The following NUP88 variants were observed in gnomAD, a reference collection of about 807,000 sequenced individuals.
NUP88 encodes the protein nucleoporin 88, also known as nuclear pore complex protein Nup88.
In NUP88, 57 loss-of-function variants were observed where a neutral mutation model predicts 93.9. That is an observed-to-expected ratio of 0.61 (90% CI 0.49 to 0.76). The LOEUF (loss-of-function observed/expected upper bound fraction) is 0.76. Ranked by LOEUF, NUP88 falls within the 30% of genes least tolerant of loss-of-function variation. The probability of loss-of-function intolerance (pLI) is 0.00; values close to 1 mark genes in which losing one functional copy is unlikely to be tolerated. For missense variants in NUP88, 911 were observed against 901.0 expected (o/e 1.01, Z -0.14); for synonymous variants, 346 against 336.8 (o/e 1.03, Z -0.30).
In NUP88 at chr17:5,386,988, T is replaced by C. The variant is rs1233625144; in HGVS notation, c.2039A>G (p.Lys680Arg). 6.2e-7 allele frequency: 1 copy of C among 1,614,034 alleles called. No individual in the cohort carries two copies. The highest frequency in any genetic ancestry group is 2.2e-5 in the East Asian group (1 of 44,880). ...CTAGTTTGGATCTATTCCTACCTGT[T>C]TGATGGCATTGCCCAAATGTCGAAG... ...DQLRHLGNAI[K>R]QVTMKKDYQQ... Residue 680 changes from lysine (K) to arginine (R), a missense_variant, in exon 15 of 17, where the codon AAA becomes AGA. Transcript: ENST00000573584.
chr17:5,400,757 C>T (rs1597323137), intron 7 of NUP88, among the ~76,000 whole-genome samples: 1 of 152,172 alleles, frequency 6.6e-6, no homozygotes, highest in East Asian at 1.9e-4. Context: ...AAGACTTTAA[C>T]ACAACGGCTC....
At chr17:5,398,890 C>CT (rs751156685) in intron 8 of NUP88, among the ~76,000 whole-genome samples, 37,745 of 131,668 alleles carry the variant, frequency 0.29, 6,149 homozygotes, top group East Asian at 0.59. Flanking sequence ...TGCACCCAGC[C>CT]TTTTTTTTTT....
intron 8 of NUP88, among the ~76,000 whole-genome samples, chr17:5,397,713 G>A (rs547049349): frequency 2.6e-5 from 4 of 150,968 alleles, no homozygotes; most frequent in South Asian, 2.2e-4. Context: ...AGCCAATAAC[G>A]GATTCAGTCT....
At chr17:5,396,573 T>C (rs911669904) in intron 8 of NUP88, among the ~76,000 whole-genome samples, 6 of 152,214 alleles carry the variant, frequency 3.9e-5, no homozygotes, top group African/African-American at 1.4e-4. Flanking sequence ...TGGGCTATGA[T>C]GAATAATGCT....
rs769817843 is a variant in NUP88, at chr17:5,385,492, A to G, written c.*714T>C. The stretch of plus-strand genomic sequence containing the variant: ...TATAGTAGTACCTTTCAGAACTCAC[A>G]TTGGCAAGTGTAAAAAGATGACTTA... On this transcript the variant is annotated 3_prime_UTR_variant, in exon 17 of 17. Coordinates refer to ENST00000573584, the MANE Select transcript of NUP88 (RefSeq NM_002532.6). 2 of 230,602 alleles carry G rather than the reference A, an allele frequency of 8.7e-6. No homozygotes were observed. The highest frequency in any genetic ancestry group is 1.7e-5 in the Non-Finnish European group (2 of 116,506). 14.3% of individuals were successfully genotyped at this position (230,602 alleles called of 1,614,324 possible).
intron 7 of NUP88, among the ~76,000 whole-genome samples, chr17:5,402,222 G>A (rs764372239): frequency 1.3e-5 from 2 of 151,968 alleles, no homozygotes; most frequent in Admixed American, 6.6e-5. Context: ...CAGGAGAATC[G>A]CTTGAACCCA....
intron 2 of NUP88, among the ~76,000 whole-genome samples, chr17:5,416,137 T>G (rs1914118998): frequency 1.2e-5 from 1 of 80,986 alleles, no homozygotes; most frequent in Non-Finnish European, 2.3e-5. Flanking sequence ...AGAGCAAGAC[T>G]CCATCTCAAA....
rs1244988041 is a variant in NUP88 at position 5,410,561 on chromosome 17, G to A, written c.680+142C>T. On this transcript the variant is annotated intron_variant, in intron 4 of 16. Coordinates refer to ENST00000573584, the MANE Select transcript of NUP88 (RefSeq NM_002532.6). The stretch of plus-strand genomic sequence containing the variant: ...AGCCTGGCCAACACGACGAATCCCT[G>A]TTCTACTAAAAATACACTTACTTCT... The A allele has an allele frequency of 1.6e-5, 10 of 612,994 alleles. No homozygotes were observed. The African/African-American group carries it at 1.9e-4, about 11-fold the overall frequency. 38.0% of individuals were successfully genotyped at this position (612,994 alleles called of 1,614,324 possible). A position where few individuals can be genotyped will look rare whatever the true frequency, so the allele number is the denominator to read the frequency against.
At chr17:5,404,989 C>A in intron 6 of NUP88, 68 bp downstream of exon 6, 1 of 1,274,296 alleles carries the variant, frequency 7.8e-7, no homozygotes, top group Non-Finnish European at 1.1e-6. Context: ...ATATATTAAG[C>A]ATTCATATTG....
At chr17:5,414,710 G>A (rs1232335408) in intron 2 of NUP88, among the ~76,000 whole-genome samples, 1 of 152,118 alleles carries the variant, frequency 6.6e-6, no homozygotes, top group Non-Finnish European at 1.5e-5. Flanking sequence ...CCTGAGGTCA[G>A]GAGTTTGAGA....
chr17:5,413,935 T>C (rs185382948), intron 3 of NUP88, 74 bp downstream of exon 3: 13 of 1,513,860 alleles, frequency 8.6e-6, no homozygotes, highest in South Asian at 3.4e-5. Flanking sequence ...TCGTTCTATG[T>C]TGAGCTGTTA....
intron 7 of NUP88, among the ~76,000 whole-genome samples, chr17:5,402,116 G>C (rs1185460865): frequency 6.6e-6 from 1 of 152,140 alleles, no homozygotes; most frequent in Non-Finnish European, 1.5e-5. Flanking sequence ...AGACCAGCCT[G>C]ACCAACATGG....
chr17:5,416,188 T>TACACACACATACACAC (rs1914138861), intron 2 of NUP88, among the ~76,000 whole-genome samples: 8 of 126,204 alleles, frequency 6.3e-5, no homozygotes, highest in African/African-American at 2.1e-4. Context: ...TATACACACA[T>TACACACACATACACAC]ACACACACAC....
At chr17:5,416,144 CAAAAAAAAA>C (rs1206275413) in intron 2 of NUP88, among the ~76,000 whole-genome samples, 44 of 72,602 alleles carry the variant, frequency 6.1e-4, no homozygotes, top group South Asian at 8.8e-4. Flanking sequence ...GACTCCATCT[CAAAAAAAAA>C]AAAAAAAAAA....
rs1911952019 is a variant in NUP88 at position 5,386,199 on chromosome 17, G to A, written c.*7C>T. On this transcript the variant is annotated 3_prime_UTR_variant, in exon 17 of 17. Transcript: ENST00000573584. ...TCAGTTCAGGTGTGAGTCAGCTCCT[G>A]GTGGTGTCAGAAGTTTACATGATTG... The A allele has an allele frequency of 6.2e-7, 1 of 1,610,278 alleles. No individual in the cohort carries two copies. The highest frequency in any genetic ancestry group is 8.5e-7 in the Non-Finnish European group (1 of 1,177,302).
Position 5,387,783 on chromosome 17 carries a change from G to A in NUP88, c.1765C>T (p.Arg589Trp), listed in dbSNP as rs1466227224. 5 of 1,612,172 alleles carry A rather than the reference G, an allele frequency of 3.1e-6. No individual in the cohort carries two copies. Among genetic ancestry groups the A allele is most frequent in the African/African-American group, 2.7e-5 (2 of 74,798 alleles). ...TGTGAACACAGGACATCATACCTCC[G>A]CTGAATCTCCTCCTTTGCCAAGTCC... ...KQDLAKEEIQ[R>W]RVKLLCDQKK... The change falls in exon 12 of 17, where the codon CGG becomes TGG. Residue 589 changes from arginine (R) to tryptophan (W), a missense_variant. Physicochemically the swap from Arg to Trp is moderately radical, Grantham distance 101 (BLOSUM62 -3). Transcript: ENST00000573584.
At chr17:5,418,500 T>A (rs748021609) in intron 1 of NUP88, among the ~76,000 whole-genome samples, 6 of 152,178 alleles carry the variant, frequency 3.9e-5, no homozygotes, top group Admixed American at 1.3e-4. Flanking sequence ...GTGATCCACC[T>A]GCCTCTGCCT....
At position 5,385,879 on chromosome 17, in the gene NUP88, T is replaced by C. The variant is rs1461504633; in HGVS notation, c.*327A>G. ...TTCAGAGTCATGTTTCTGGTGCTGC[T>C]ACTTTAAAACACAGCTCACAAGAAT... On this transcript the variant is annotated 3_prime_UTR_variant, in exon 17 of 17. Transcript: ENST00000573584. 3.4e-6 allele frequency: 1 copy of C among 291,524 alleles called. No homozygotes were observed. The highest frequency in any genetic ancestry group is 2.2e-5 in the African/African-American group (1 of 45,750). 18.1% of individuals were successfully genotyped at this position (291,524 alleles called of 1,614,324 possible). A position where few individuals can be genotyped will look rare whatever the true frequency, so the allele number is the denominator to read the frequency against.
chr17:5,387,450 T>C lies in NUP88; in HGVS notation c.1852A>G (p.Met618Val), dbSNP rs762303622. The C allele has an allele frequency of 1.2e-6, 2 of 1,614,204 alleles. No individual in the cohort carries two copies. The highest frequency in any genetic ancestry group is 1.1e-5 in the South Asian group (1 of 91,086). ...TATTTGTCAGCTAAACGCTCAGCCA[T>C]TTCCCGCAGACTTTTCCTAATGATG... ...CREERKSLRE[M>V]AERLADKYEE... is the part of the protein sequence containing the mutation. Residue 618 changes from methionine to valine, a missense_variant, in exon 14 of 17, where the codon ATG becomes GTG. Physicochemically the swap from Met to Val is conservative, Grantham distance 21. Coordinates refer to ENST00000573584, the MANE Select transcript of NUP88 (RefSeq NM_002532.6).
Sources: allele counts gnomAD v4.1 joint callset (sites outside exome capture counted in the v4.1 genomes callset), GRCh38; gene constraint gnomAD v4.1.1; transcripts MANE v1.5; gene names NCBI Gene and HGNC (gene_info 2026-07-23, HGNC 2026-07-21).